Variants in HLA-DMB observed in about 807,000 individuals in gnomAD.
HLA-DMB encodes HLA class II histocompatibility antigen, DM beta chain.
In HLA-DMB, 18 loss-of-function variants were observed where a neutral mutation model predicts 29.3. That is an observed-to-expected ratio of 0.62 (90% CI 0.43 to 0.91). The LOEUF (loss-of-function observed/expected upper bound fraction) is 0.91. Among genes scored for constraint, HLA-DMB ranks in the 40% least tolerant of loss-of-function variants. HLA-DMB has a pLI of 0.00. For synonymous variants in HLA-DMB, 143 were observed against 128.7 expected (o/e 1.11, Z -0.75); for missense variants, 258 against 320.9 (o/e 0.80, Z 1.50).
At position 32,937,091 on chromosome 6, in the gene HLA-DMB, T is replaced by C; in HGVS notation, c.622+81A>G. On this transcript the variant is annotated intron_variant, in intron 3 of 5. Transcript: ENST00000418107. This position sits in a 1 kb window ranked among gnomAD's most constrained non-coding sequence, Gnocchi z 4.1. ...TCAGTCCCCATTTTCAGCACTTCGC[T>C]GTCTACCATGTACCATGTATCGATC... The C allele has an allele frequency of 8.2e-7, 1 of 1,223,980 alleles. No individual in the cohort carries two copies. Among genetic ancestry groups the C allele is most frequent in the Non-Finnish European group, 1.1e-6 (1 of 900,726 alleles). The allele number at this position is 1,223,980 out of a possible 1,614,324, so 75.8% of individuals were successfully genotyped here.
intron 5 of HLA-DMB, 66 bp from the exon 6 acceptor site, chr6:32,935,053 T>C: frequency 6.3e-7 from 1 of 1,575,020 alleles, no homozygotes; most frequent in East Asian, 2.2e-5. Context: ...TTTGTCACTG[T>C]AACCATCCCA....
Position 32,938,691 on chromosome 6 carries a change from G to A in HLA-DMB, c.330C>T (p.Asn110=), listed in dbSNP as rs1332191808. 2.0e-6 allele frequency: 3 copies of A among 1,512,758 alleles called. No homozygotes were observed. The highest frequency in any genetic ancestry group is 2.6e-5 in the South Asian group (2 of 76,686). 93.7% of individuals were successfully genotyped at this position (1,512,758 alleles called of 1,614,324 possible). A position where few individuals can be genotyped will look rare whatever the true frequency, so the allele number is the denominator to read the frequency against. The part of the protein sequence containing the change: ...HTQPFWGSLT[N]RTRPPSVQVA... ...GCACCCCTCTCTCCTCACGTGTCCT[G>A]TTGGTCAGTGATCCCCAGAAGGGCT... Residue 110 remains asparagine, a synonymous_variant, in exon 2 of 6, where the codon AAC becomes AAT. Coordinates refer to ENST00000418107, the MANE Select transcript of HLA-DMB (RefSeq NM_002118.5).
intron 1 of HLA-DMB, among the ~76,000 whole-genome samples, chr6:32,939,965 A>G (rs1022809632): frequency 4.5e-4 from 68 of 151,712 alleles, no homozygotes; most frequent in African/African-American, 1.6e-3. Flanking sequence ...TTTGGTGTCT[A>G]TGTTAACTCT....
At chr6:32,940,602 A>G in intron 1 of HLA-DMB, 151 bp downstream of exon 1, 1 of 573,886 alleles carries the variant, frequency 1.7e-6, no homozygotes, top group South Asian at 2.2e-5. Context: ...CAGATTAATT[A>G]CATTAAAATT....
chr6:32,935,111 A>T (rs1446390332), intron 5 of HLA-DMB, 124 bp from the exon 6 acceptor site: 1 of 1,105,042 alleles, frequency 9.0e-7, no homozygotes, highest in African/African-American at 1.6e-5. Flanking sequence ...AACAACTAAT[A>T]CAAAGGAAGC....
intron 4 of HLA-DMB, 32 bp from the exon 5 acceptor site, chr6:32,935,409 C>A: frequency 6.3e-7 from 1 of 1,584,564 alleles, no homozygotes; most frequent in African/African-American, 1.3e-5. Context: ...TTATACCAGT[C>A]TTTGTGGATG....
At chr6:32,938,137 T>C (rs1385314384) in intron 2 of HLA-DMB, 1 of 154,008 alleles carries the variant, frequency 6.5e-6, no homozygotes, top group African/African-American at 2.4e-5. Flanking sequence ...TCAACAGATC[T>C]GGAGTGGTAC....
intron 5 of HLA-DMB, 139 bp downstream of exon 5, chr6:32,935,203 G>A: frequency 1.2e-6 from 1 of 850,432 alleles, no homozygotes. Flanking sequence ...AGCAATGGCA[G>A]CTTAAATCAT....
Position 32,937,044 on chromosome 6 carries a change from C to T in HLA-DMB, c.622+128G>A, listed in dbSNP as rs2127468456. On this transcript the variant is annotated intron_variant, in intron 3 of 5. Coordinates refer to ENST00000418107, the MANE Select transcript of HLA-DMB (RefSeq NM_002118.5). This position sits in a 1 kb window ranked among gnomAD's most constrained non-coding sequence, Gnocchi z 4.1. ...CCCATTTCCCCATTCTGGTCCTAAGCCCCCCGTAAGTTCCTCCAGACTCAG... is the reference window on the plus strand; with the variant it reads ...CCCATTTCCCCATTCTGGTCCTAAGTCCCCCGTAAGTTCCTCCAGACTCAG... The T allele has an allele frequency of 1.5e-6, 1 of 678,584 alleles. No homozygotes were observed. The highest frequency in any genetic ancestry group is 3.2e-5 in the South Asian group (1 of 31,718). The allele number at this position is 678,584 out of a possible 1,614,324, so 42.0% of individuals were successfully genotyped here.
chr6:32,939,790 C>A (rs1776241458), intron 1 of HLA-DMB, among the ~76,000 whole-genome samples: 1 of 151,830 alleles, frequency 6.6e-6, no homozygotes, highest in Non-Finnish European at 1.5e-5. Flanking sequence ...TAAACTTTTC[C>A]TGAGTTCCAT....
rs185838188 is a variant in HLA-DMB, at chr6:32,938,349, G to C, written c.337+335C>G. The stretch of plus-strand genomic sequence containing the variant: ...CCCCTGGGATTCCAAATATTCCCAT[G>C]CCTGGGCCCACATCAGATCTGGAAC... On this transcript the variant is annotated intron_variant, in intron 2 of 5. Transcript: ENST00000418107. 10 of 299,108 alleles carry C rather than the reference G, an allele frequency of 3.3e-5. No homozygotes were observed. In the East Asian group the frequency reaches 5.3e-4, roughly 16 times the overall value. 18.5% of individuals were successfully genotyped at this position (299,108 alleles called of 1,614,324 possible).
At chr6:32,940,676 TG>T in intron 1 of HLA-DMB, 76 bp downstream of exon 1, 1 of 1,113,922 alleles carries the variant, frequency 9.0e-7, no homozygotes, top group East Asian at 2.6e-5. Context: ...GGGTGTCAAA[TG>T]CAATTACAAA....
chr6:32,935,118 A>G, intron 5 of HLA-DMB, 131 bp from the exon 6 acceptor site: 1 of 1,036,560 alleles, frequency 9.6e-7, no homozygotes, highest in South Asian at 1.3e-5. Context: ...AATACAAAGG[A>G]AGCACCTTCA....
rs1775902741 is a variant in HLA-DMB at position 32,934,820 on chromosome 6, C to T, written c.*151G>A. The T allele has an allele frequency of 4.9e-6, 4 of 810,532 alleles. No homozygotes were observed. The highest frequency in any genetic ancestry group is 8.0e-6 in the Non-Finnish European group (4 of 497,356). 50.2% of individuals were successfully genotyped at this position (810,532 alleles called of 1,614,324 possible). A position where few individuals can be genotyped will look rare whatever the true frequency, so the allele number is the denominator to read the frequency against. ...AGGTCCCCCAAGTTGCTAAGTTTTA[C>T]ATAGGGGAGACTGGGAAATTCAAAG... is the stretch of plus-strand genomic sequence containing the variant. On this transcript the variant is annotated 3_prime_UTR_variant, in exon 6 of 6. Transcript: ENST00000418107.
In HLA-DMB at chr6:32,934,824, G is replaced by C. The variant is rs1034637031; in HGVS notation, c.*147C>G. 2.7e-4 allele frequency: 225 copies of C among 836,516 alleles called. 2 individuals are homozygous for C. The highest frequency in any genetic ancestry group is 4.5e-4 in the Middle Eastern group (2 of 4,396). The allele number at this position is 836,516 out of a possible 1,614,324, so 51.8% of individuals were successfully genotyped here. On this transcript the variant is annotated 3_prime_UTR_variant, in exon 6 of 6. Transcript: ENST00000418107. ...CCCCCAAGTTGCTAAGTTTTACATA[G>C]GGGAGACTGGGAAATTCAAAGAATT...
At chr6:32,939,577 A>G (rs1776225660) in intron 1 of HLA-DMB, among the ~76,000 whole-genome samples, 1 of 152,216 alleles carries the variant, frequency 6.6e-6, no homozygotes, top group Non-Finnish European at 1.5e-5. Context: ...GATGACTGTC[A>G]TTAACAATAA....
In HLA-DMB at chr6:32,937,392, G is replaced by A. The variant is rs768804217; in HGVS notation, c.402C>T (p.Ala134=). The A allele has an allele frequency of 5.6e-6, 9 of 1,614,072 alleles. No homozygotes were observed. The highest frequency in any genetic ancestry group is 3.3e-4 in the Middle Eastern group (2 of 6,084). ...CTGGATAGAAGCCCCACACATAGCA[G>A]GCCAGCATCACAGGCTCCCTCGTGT... ...PFNTREPVML[A]CYVWGFYPAE... The change falls in exon 3 of 6, where the codon GCC becomes GCT. Residue 134 remains alanine, a synonymous_variant. Transcript: ENST00000418107. This position sits in a 1 kb window ranked among gnomAD's most constrained non-coding sequence, Gnocchi z 4.1.
chr6:32,935,164 G>T (rs527291285), intron 5 of HLA-DMB, 177 bp from the exon 6 acceptor site: 11 of 839,056 alleles, frequency 1.3e-5, no homozygotes, highest in Non-Finnish European at 2.2e-5. Context: ...TGGTAGAAGA[G>T]GAGGATGCTC....
At position 32,935,696 on chromosome 6, in the gene HLA-DMB, C is replaced by T. The variant is rs150265100; in HGVS notation, c.623-44G>A. ...TACTTGACCCAGTTTCTGTTGCTCACCCCCAGGGCAATTCCATTTATTGCA... is the reference window on the plus strand; with the variant it reads ...TACTTGACCCAGTTTCTGTTGCTCATCCCCAGGGCAATTCCATTTATTGCA... On this transcript the variant is annotated intron_variant, in intron 3 of 5. Coordinates refer to ENST00000418107, the MANE Select transcript of HLA-DMB (RefSeq NM_002118.5). 2.9e-3 allele frequency: 4,065 copies of T among 1,404,184 alleles called. 14 individuals are homozygous for T. The highest frequency in any genetic ancestry group is 7.5e-3 in the Middle Eastern group (32 of 4,280). 87.0% of individuals were successfully genotyped at this position (1,404,184 alleles called of 1,614,324 possible). A position where few individuals can be genotyped will look rare whatever the true frequency, so the allele number is the denominator to read the frequency against.
Sources: gnomAD v4.1 joint callset for allele counts (sites outside exome capture counted in the v4.1 genomes callset) on GRCh38, gnomAD v4.1.1 for gene constraint, Gnocchi (gnomAD v3.1) non-coding constraint, MANE v1.5 for transcripts, NCBI Gene and HGNC (gene_info 2026-07-23, HGNC 2026-07-21) for gene names.